FLACC1: variants seen among roughly 807,000 people sequenced by gnomAD.
The protein encoded by FLACC1 is flagellum-associated coiled-coil domain-containing protein 1.
FLACC1 carries 66 observed loss-of-function variants against 62.8 expected under a neutral mutation model. The observed-to-expected ratio is 1.05, with a 90% CI of 0.86 to 1.29. The LOEUF (loss-of-function observed/expected upper bound fraction) is 1.29. FLACC1 is among the 50% of genes most tolerant of loss of function. FLACC1 has a pLI of 0.00. For synonymous variants in FLACC1, 156 were observed against 161.0 expected, an observed-to-expected ratio of 0.97 and a Z score of 0.24; for missense variants, 452 against 489.1, an observed-to-expected ratio of 0.92 and a Z score of 0.71.
intron 12 of FLACC1, among the ~76,000 whole-genome samples, chr2:201,293,760 T>C (rs1949792339): frequency 6.6e-6 from 1 of 151,406 alleles, no homozygotes; most frequent in South Asian, 2.1e-4. Context: ...ATCAACAAAA[T>C]TAATAGAATG....
intron 9 of FLACC1, among the ~76,000 whole-genome samples, chr2:201,312,095 G>T (rs1210157209): frequency 1.3e-5 from 2 of 152,146 alleles, no homozygotes; most frequent in Non-Finnish European, 2.9e-5. Context: ...TTAGGCAAGA[G>T]AAAGAAATAA....
At chr2:201,314,899 A>G (rs758250848) in intron 9 of FLACC1, among the ~76,000 whole-genome samples, 4 of 152,180 alleles carry the variant, frequency 2.6e-5, no homozygotes, top group South Asian at 2.1e-4. Flanking sequence ...CTTAAACAAA[A>G]CAATTATCAG....
Position 201,307,592 on chromosome 2 carries a change from T to C in FLACC1, c.806A>G (p.Glu269Gly). ...KKKMTKKFEM[E>G]SGEEDKKINE... ...TATTTTCTTATCTTCTTCTCCTGAC[T>C]CCATTTCGAATTTTTTGGTCATCTT... Residue 269 changes from glutamate (E) to glycine (G), a missense_variant, in exon 11 of 15, where the codon GAG (glutamate) becomes GGG (glycine). Physicochemically the swap from Glu to Gly is moderately conservative, Grantham distance 98. Transcript: ENST00000392257. The C allele has an allele frequency of 6.2e-7, 1 of 1,614,144 alleles. No homozygotes were observed. Among genetic ancestry groups the C allele is most frequent in the Non-Finnish European group, 8.5e-7 (1 of 1,179,984 alleles).
chr2:201,356,765 A>ACAT (rs1951126170), intron 1 of FLACC1, among the ~76,000 whole-genome samples: 1 of 152,142 alleles, frequency 6.6e-6, no homozygotes, highest in Admixed American at 6.5e-5. Context: ...CAGTGGCTTG[A>ACAT]CATCATATAG....
In FLACC1 at chr2:201,342,529, G is replaced by A. The variant is rs73047494; in HGVS notation, c.463-98C>T. On this transcript the variant is annotated intron_variant, in intron 6 of 14. Transcript: ENST00000392257. ...GCCTTCCAATTTATGGGGCACAGCCGCCTTCCAATTCATGGGGCACAGCCC... is the reference window on the plus strand; with the variant it reads ...GCCTTCCAATTTATGGGGCACAGCCACCTTCCAATTCATGGGGCACAGCCC... 2.2e-3 allele frequency: 2,699 copies of A among 1,214,268 alleles called. 46 individuals are homozygous for A. The African/African-American group carries it at 0.033, about 15-fold the overall frequency. 75.2% of individuals were successfully genotyped at this position (1,214,268 alleles called of 1,614,324 possible).
At chr2:201,348,087 T>C (rs1339321837) in intron 4 of FLACC1, 167 bp downstream of exon 4, 3 of 583,480 alleles carry the variant, frequency 5.1e-6, no homozygotes, top group Non-Finnish European at 8.5e-6. Flanking sequence ...CAAGTCGTGG[T>C]TCTTCCACTT....
chr2:201,297,399 G>A (rs4318370), intron 12 of FLACC1, among the ~76,000 whole-genome samples: 1 of 151,626 alleles, frequency 6.6e-6, no homozygotes, highest in African/African-American at 2.4e-5. Flanking sequence ...CCAGGACTTA[G>A]AAAGTAGGTG....
intron 9 of FLACC1, among the ~76,000 whole-genome samples, chr2:201,311,543 C>T (rs1467342590): frequency 6.6e-6 from 1 of 151,768 alleles, no homozygotes; most frequent in Non-Finnish European, 1.5e-5. Context: ...TGAGACCCCA[C>T]ATCTACAGAA....
chr2:201,346,537 A>G lies in FLACC1; in HGVS notation c.368+5T>C, dbSNP rs776574273. On this transcript the variant is annotated splice_donor_5th_base_variant and intron_variant, in intron 5 of 14. Transcript: ENST00000392257. The surrounding 1 kb of genome is among the most constrained non-coding windows in gnomAD (Gnocchi z 4.0). ...AGCAGCTGCATGTTGCTGCAACAGC[A>G]TTACCTGGAAAATCTGCCTTTGTCC... is the stretch of plus-strand genomic sequence containing the variant. The G allele has an allele frequency of 2.5e-6, 4 of 1,613,538 alleles. No individual in the cohort carries two copies. The South Asian group carries it at 4.4e-5, about 18-fold the overall frequency.
chr2:201,293,462 C>G (rs1429145123), intron 12 of FLACC1, among the ~76,000 whole-genome samples: 2 of 152,208 alleles, frequency 1.3e-5, no homozygotes, highest in Non-Finnish European at 2.9e-5. Context: ...TAAAGATGTT[C>G]TTCAAAACCA....
At chr2:201,304,186 C>A (rs1950052152) in intron 11 of FLACC1, among the ~76,000 whole-genome samples, 1 of 152,266 alleles carries the variant, frequency 6.6e-6, no homozygotes, top group African/African-American at 2.4e-5. Context: ...AAAACCCCAT[C>A]ATCTCTGCCC....
rs768142905 is a variant in FLACC1 at position 201,289,896 on chromosome 2, T to A, written c.943-111A>T. 8.2e-6 allele frequency: 13 copies of A among 1,585,004 alleles called. No homozygotes were observed. In the Admixed American group the frequency reaches 1.9e-4, roughly 23 times the overall value. On this transcript the variant is annotated intron_variant, in intron 12 of 14. Coordinates refer to ENST00000392257, the MANE Select transcript of FLACC1 (RefSeq NM_001127391.3). ...GGGAGCAACCTGAGCTACTTTTGCATCACTCATGGCCACTCACACCCTGTC... is the reference window on the plus strand; with the variant it reads ...GGGAGCAACCTGAGCTACTTTTGCAACACTCATGGCCACTCACACCCTGTC...
upstream of FLACC1, among the ~76,000 whole-genome samples, chr2:201,359,998 T>C (rs1951171210): frequency 6.6e-6 from 1 of 150,732 alleles, no homozygotes; most frequent in East Asian, 1.9e-4. Context: ...AAAACAGAGA[T>C]ACAGAGGAAG....
intron 1 of FLACC1, among the ~76,000 whole-genome samples, chr2:201,354,651 TGA>T (rs1187236118): frequency 1.3e-5 from 2 of 152,010 alleles, no homozygotes; most frequent in Non-Finnish European, 2.9e-5. Flanking sequence ...GGAATTCAGG[TGA>T]GAGTCTGAAA....
chr2:201,356,324 C>A (rs573130186), intron 1 of FLACC1, among the ~76,000 whole-genome samples: 71 of 152,274 alleles, frequency 4.7e-4, no homozygotes, highest in African/African-American at 1.7e-3. Flanking sequence ...CCATGCCTGG[C>A]TAATTTTTGT....
At chr2:201,344,931 C>T (rs563973824) in intron 5 of FLACC1, among the ~76,000 whole-genome samples, 4 of 152,180 alleles carry the variant, frequency 2.6e-5, no homozygotes, top group African/African-American at 9.6e-5. Flanking sequence ...AGAATGTGGG[C>T]TGATAAAACA....
At chr2:201,360,492 C>T (rs1326749581), upstream of FLACC1, among the ~76,000 whole-genome samples, 1 of 152,158 alleles carries the variant, frequency 6.6e-6, no homozygotes, top group Admixed American at 6.5e-5. Context: ...TCTATGAGAA[C>T]ACTCCCAGTG....
At chr2:201,336,058 G>A (rs1950690471) in intron 7 of FLACC1, among the ~76,000 whole-genome samples, 2 of 152,012 alleles carry the variant, frequency 1.3e-5, no homozygotes. Context: ...TTGTTGCATA[G>A]GTAAATTGTA....
intron 12 of FLACC1, among the ~76,000 whole-genome samples, chr2:201,298,850 G>A (rs917066480): frequency 6.6e-6 from 1 of 152,184 alleles, no homozygotes. Context: ...TACATTCAGA[G>A]CTTAAGGAGG....
Sources: gnomAD v4.1 joint callset for allele counts (sites outside exome capture counted in the v4.1 genomes callset) on GRCh38, gnomAD v4.1.1 for gene constraint, Gnocchi (gnomAD v3.1) non-coding constraint, MANE v1.5 for transcripts, NCBI Gene and HGNC (gene_info 2026-07-23, HGNC 2026-07-21) for gene names.